The following XPR1 variants were observed in gnomAD, a reference collection of about 807,000 sequenced individuals.
XPR1 encodes solute carrier family 53 member 1.
XPR1 carries 28 observed loss-of-function variants against 87.5 expected under a neutral mutation model. The observed-to-expected ratio is 0.32, with a 90% confidence interval of 0.24 to 0.44. The LOEUF (loss-of-function observed/expected upper bound fraction) is 0.44, where lower values mean the gene tolerates loss of function less well. Among genes scored for constraint, XPR1 ranks in the 20% least tolerant of loss-of-function variants. The pLI is 1.00. For synonymous variants in XPR1, 300 were observed against 306.1 expected (o/e 0.98, Z 0.21); for missense variants, 559 against 862.3 (o/e 0.65, Z 4.41).
rs73040999 is a variant in XPR1 at position 180,813,441 on chromosome 1, C to T, written c.763+1953C>T. On this transcript the variant is annotated intron_variant, in intron 7 of 14. Coordinates refer to ENST00000367590, the MANE Select transcript of XPR1 (RefSeq NM_004736.4). ...GCCTACGTTAGTTTTCTTCTGAGTA[C>T]ATATACTTACCTGACATTATATATT... Among the ~76,000 whole-genome samples the T allele has an allele frequency of 3.8e-3, 586 of 152,278 alleles. 8 individuals carry two copies. The highest frequency in any genetic ancestry group is 0.013 in the African/African-American group (558 of 41,558).
At chr1:180,685,710 C>T (rs1340802778) in intron 2 of XPR1, among the ~76,000 whole-genome samples, 1 of 152,088 alleles carries the variant, frequency 6.6e-6, no homozygotes, top group Non-Finnish European at 1.5e-5. Context: ...ATGGTTTAGT[C>T]TTGGGGAGGA....
intron 2 of XPR1, among the ~76,000 whole-genome samples, chr1:180,695,747 G>A (rs1395585803): frequency 6.6e-6 from 1 of 152,098 alleles, no homozygotes; most frequent in Non-Finnish European, 1.5e-5. Flanking sequence ...CTGTAAATAT[G>A]TGGGTTTATT....
chr1:180,705,069 GTC>G (rs1463057537), intron 2 of XPR1, among the ~76,000 whole-genome samples: 3 of 151,716 alleles, frequency 2.0e-5, no homozygotes, highest in Non-Finnish European at 4.4e-5. Flanking sequence ...GACAAAATGT[GTC>G]TACTGTAGCT....
intron 13 of XPR1, among the ~76,000 whole-genome samples, chr1:180,879,213 C>G (rs1002315376): frequency 6.6e-6 from 1 of 152,198 alleles, no homozygotes; most frequent in Non-Finnish European, 1.5e-5. Context: ...TTATTACCAC[C>G]TTTAAGTCAC....
chr1:180,822,209 TGA>T (rs1650658665), intron 7 of XPR1, among the ~76,000 whole-genome samples: 1 of 152,226 alleles, frequency 6.6e-6, no homozygotes, highest in Non-Finnish European at 1.5e-5. Flanking sequence ...GAGCTCTGTC[TGA>T]TCTACTGCTG....
At chr1:180,790,034 T>C (rs3002122) in intron 3 of XPR1, among the ~76,000 whole-genome samples, 149,707 of 152,140 alleles carry the variant, frequency 0.98, 73,669 homozygotes, top group East Asian at 1. Flanking sequence ...CCATCTTCCC[T>C]GTCATGCTCA....
chr1:180,794,227 A>G (rs1024427329), intron 3 of XPR1, among the ~76,000 whole-genome samples: 8 of 152,226 alleles, frequency 5.3e-5, no homozygotes. Flanking sequence ...ACTGTCCAGC[A>G]TGTTACTACA....
intron 2 of XPR1, among the ~76,000 whole-genome samples, chr1:180,779,555 G>T (rs1195538824): frequency 6.6e-6 from 1 of 152,024 alleles, no homozygotes; most frequent in African/African-American, 2.4e-5. Context: ...AGGAGTTAGA[G>T]ACCAGCCTGG....
At chr1:180,860,280 A>G (rs1652177280) in intron 11 of XPR1, among the ~76,000 whole-genome samples, 1 of 152,142 alleles carries the variant, frequency 6.6e-6, no homozygotes, top group Non-Finnish European at 1.5e-5. Context: ...AAATGGTACA[A>G]TAACTCTTTA....
rs1652811169 is a variant in XPR1, at chr1:180,880,342, T to C, written c.2030+45T>C. The C allele has an allele frequency of 3.7e-6, 6 of 1,607,842 alleles. 1 individual carries two copies. In the South Asian group the frequency reaches 6.6e-5, roughly 18 times the overall value. Reference sequence around the variant, plus strand: ...CTGTGAGGCATATTTCCTTTGAGTTTTAGCATTGGGTAGCATGTAAGCTAA... The same window carrying C: ...CTGTGAGGCATATTTCCTTTGAGTTCTAGCATTGGGTAGCATGTAAGCTAA... On this transcript the variant is annotated intron_variant, in intron 14 of 14. Coordinates refer to ENST00000367590, the MANE Select transcript of XPR1 (RefSeq NM_004736.4).
intron 1 of XPR1, among the ~76,000 whole-genome samples, chr1:180,638,003 G>A (rs143706298): frequency 2.3e-4 from 35 of 152,080 alleles, no homozygotes; most frequent in Middle Eastern, 3.4e-3. Flanking sequence ...AATGAATCCT[G>A]AACTTTGAAC....
chr1:180,665,384 A>G (rs1655923429), intron 1 of XPR1, among the ~76,000 whole-genome samples: 1 of 152,116 alleles, frequency 6.6e-6, no homozygotes, highest in African/African-American at 2.4e-5. Flanking sequence ...GCCAAACCAT[A>G]TTACCTCCTG....
chr1:180,881,323 G>A (rs1471661403), intron 14 of XPR1, among the ~76,000 whole-genome samples: 7 of 151,930 alleles, frequency 4.6e-5, no homozygotes, highest in Non-Finnish European at 1.5e-5. Context: ...GCTACCACAC[G>A]CAGCTAATTT....
intron 1 of XPR1, among the ~76,000 whole-genome samples, chr1:180,645,442 C>T (rs938194327): frequency 1.3e-5 from 2 of 152,190 alleles, no homozygotes; most frequent in Non-Finnish European, 2.9e-5. Flanking sequence ...CTTTATCTGC[C>T]GACTTGATCA....
intron 1 of XPR1, among the ~76,000 whole-genome samples, chr1:180,647,689 G>A (rs947647257): frequency 6.6e-6 from 1 of 151,886 alleles, no homozygotes; most frequent in Non-Finnish European, 1.5e-5. Context: ...ACCTGAGGTC[G>A]GGAGTTTGAG....
In XPR1 at chr1:180,884,044, C is replaced by T. The variant is rs1384386863; in HGVS notation, c.2069C>T (p.Thr690Ile). Residue 690 changes from threonine to isoleucine, a missense_variant, in exon 15 of 15, where the codon ACA becomes ATA. Physicochemically the swap from Thr to Ile is moderately conservative, Grantham distance 89. This residue lies in a region of XPR1 where 80 missense variants were observed against 99.5 expected (regional missense o/e 0.80). Transcript: ENST00000367590. ...GACACTAAGGTATTGATAGAAGACA[C>T]AGATGATGAAGCTAACACTTGAATT... ...ARDTKVLIED[T>I]DDEANT 3.7e-6 allele frequency: 6 copies of T among 1,613,988 alleles called. No individual in the cohort carries two copies. Among genetic ancestry groups the T allele is most frequent in the East Asian group, 4.5e-5 (2 of 44,872 alleles).
At position 180,829,254 on chromosome 1, in the gene XPR1, T is replaced by C. The variant is rs144135959; in HGVS notation, c.1134+3910T>C. 3.1e-3 allele frequency among the ~76,000 whole-genome samples: 472 copies of C among 152,328 alleles called. 1 individual carries two copies. Among genetic ancestry groups the C allele is most frequent in the African/African-American group, 0.011 (446 of 41,580 alleles). ...TGTTAACATGTTCTTTGTAATAATTTAGTGGCTTTTTTGTGTAGGTGGTAA... is the reference window on the plus strand; with the variant it reads ...TGTTAACATGTTCTTTGTAATAATTCAGTGGCTTTTTTGTGTAGGTGGTAA... On this transcript the variant is annotated intron_variant, in intron 9 of 14. Transcript: ENST00000367590.
chr1:180,753,998 A>G (rs946716769), intron 2 of XPR1, among the ~76,000 whole-genome samples: 5 of 152,172 alleles, frequency 3.3e-5, no homozygotes, highest in Non-Finnish European at 5.9e-5. Context: ...CTGACTCCTT[A>G]TCTTTCAACT....
chr1:180,660,664 C>T (rs1291898957), intron 1 of XPR1, among the ~76,000 whole-genome samples: 2 of 152,064 alleles, frequency 1.3e-5, no homozygotes, highest in Admixed American at 1.3e-4. Flanking sequence ...TCTAAAATTT[C>T]TCTTGTTATT....
Sources: allele counts gnomAD v4.1 joint callset (sites outside exome capture counted in the v4.1 genomes callset), GRCh38; gene constraint gnomAD v4.1.1; regional missense constraint gnomAD v4.1.1; transcripts MANE v1.5; gene names NCBI Gene and HGNC (gene_info 2026-07-23, HGNC 2026-07-21).